TENM2: variants seen among roughly 807,000 people sequenced by gnomAD.
TENM2 encodes the protein teneurin-2.
Under a neutral mutation model 245.2 loss-of-function variants are expected in TENM2, and 52 were observed. The ratio of observed to expected loss-of-function variants is 0.21; its 90% CI spans 0.17 to 0.27. TENM2 has a LOEUF of 0.27. TENM2 is among the 10% of genes least tolerant of loss of function. The pLI, the probability that TENM2 is intolerant of heterozygous loss-of-function variation, is 1.00. For synonymous variants in TENM2, 1,363 were observed against 1,438.9 expected (o/e 0.95, Z 1.19); for missense variants, 3,046 against 3,666.8 (o/e 0.83, Z 4.37).
At chr5:168,043,054 A>G (rs1008120516) in intron 5 of TENM2, among the ~76,000 whole-genome samples, 1 of 152,132 alleles carries the variant, frequency 6.6e-6, no homozygotes, top group African/African-American at 2.4e-5. Flanking sequence ...TCCCAAACTC[A>G]TTTCACTTTT....
chr5:168,199,869 T>C (rs755024898), exon 17 of TENM2: 4 of 1,613,680 alleles, frequency 2.5e-6, no homozygotes, highest in Admixed American at 3.3e-5. Flanking sequence ...TCCAGGTTCT[T>C]CATGAAGAAA....
At chr5:167,152,781 AG>A in the TENM2 span, among the ~76,000 whole-genome samples, 1 of 152,294 alleles carries the variant, frequency 6.6e-6, no homozygotes, top group Admixed American at 6.5e-5. Flanking sequence ...ACTCACCTCT[AG>A]GGCAGGACAG....
intron 4 of TENM2, among the ~76,000 whole-genome samples, chr5:167,974,661 G>A (rs1260802595): frequency 2.0e-5 from 3 of 152,094 alleles, no homozygotes; most frequent in Non-Finnish European, 2.9e-5. Context: ...ATGAGGAAAC[G>A]AAGATGTAAT....
intron 2 of TENM2, among the ~76,000 whole-genome samples, chr5:167,527,917 T>C (rs1387562025): frequency 6.6e-6 from 1 of 152,096 alleles, no homozygotes; most frequent in Admixed American, 6.6e-5. Flanking sequence ...CACCAAGATG[T>C]CATGTAGCTT....
the TENM2 span, among the ~76,000 whole-genome samples, chr5:167,005,618 G>A: frequency 0.96 from 139,629 of 145,864 alleles, 66,895 homozygotes; most frequent in African/African-American, 0.98. Context: ...TGTACTTGCC[G>A]AGAGTAAATG....
chr5:168,262,569 T>C (rs531586906), exon 29 of TENM2: 1 of 1,565,594 alleles, frequency 6.4e-7, no homozygotes, highest in South Asian at 1.2e-5. Context: ...AAGGCCCGCG[T>C]CCTGGACCAG....
chr5:167,807,124 TAAAAAAAA>T (rs1178739925), intron 2 of TENM2, among the ~76,000 whole-genome samples: 1,024 of 49,078 alleles, frequency 0.021, 31 homozygotes, highest in African/African-American at 0.076. Context: ...GCCCCTAGGT[TAAAAAAAA>T]AAAAAAAAAA....
At chr5:167,912,258 T>C (rs918627215) in intron 3 of TENM2, among the ~76,000 whole-genome samples, 2 of 151,856 alleles carry the variant, frequency 1.3e-5, no homozygotes, top group Non-Finnish European at 1.5e-5. Flanking sequence ...TTCGTCTTTC[T>C]GTGCCTGTCT....
intron 2 of TENM2, among the ~76,000 whole-genome samples, chr5:167,506,383 G>T (rs1056178313): frequency 6.6e-6 from 1 of 152,102 alleles, no homozygotes; most frequent in Non-Finnish European, 1.5e-5. Context: ...GAATAACAGG[G>T]AGATAACTGC....
the TENM2 span, among the ~76,000 whole-genome samples, chr5:167,084,364 T>C: frequency 4.0e-4 from 44 of 111,134 alleles, 2 homozygotes; most frequent in Admixed American, 6.4e-4. Context: ...TATATATATA[T>C]ATACAGATCA....
intron 2 of TENM2, among the ~76,000 whole-genome samples, chr5:167,777,088 G>C (rs1763859706): frequency 6.6e-6 from 1 of 152,186 alleles, no homozygotes; most frequent in Non-Finnish European, 1.5e-5. Context: ...GGAGTAGAAG[G>C]GGGAGGGTTA....
intron 5 of TENM2, among the ~76,000 whole-genome samples, chr5:168,022,224 C>T (rs1786213676): frequency 6.6e-6 from 1 of 152,236 alleles, no homozygotes; most frequent in Non-Finnish European, 1.5e-5. Context: ...GAAGAGCAGC[C>T]GGGAGCTCCG....
chr5:167,619,928 T>C (rs1778047794), intron 2 of TENM2, among the ~76,000 whole-genome samples: 1 of 152,186 alleles, frequency 6.6e-6, no homozygotes, highest in Admixed American at 6.5e-5. Context: ...GCATAACTCG[T>C]TTCTACCACC....
At chr5:167,491,720 C>G (rs1342718376) in intron 2 of TENM2, among the ~76,000 whole-genome samples, 1 of 152,130 alleles carries the variant, frequency 6.6e-6, no homozygotes, top group Non-Finnish European at 1.5e-5. Context: ...TTTGAACAGT[C>G]CACAAGGTGT....
At chr5:168,073,093 C>T (rs1396680388) in intron 7 of TENM2, among the ~76,000 whole-genome samples, 1 of 152,166 alleles carries the variant, frequency 6.6e-6, no homozygotes. Context: ...CCAAGCACAG[C>T]TCTTCATGGG....
the TENM2 span, among the ~76,000 whole-genome samples, chr5:167,160,339 C>T: frequency 6.6e-6 from 1 of 152,242 alleles, no homozygotes; most frequent in Non-Finnish European, 1.5e-5. Context: ...GCCAGTGTTG[C>T]TGCTTTCAAT....
At chr5:167,670,769 G>A (rs2150349767) in intron 2 of TENM2, among the ~76,000 whole-genome samples, 1 of 152,166 alleles carries the variant, frequency 6.6e-6, no homozygotes, top group Admixed American at 6.5e-5. Context: ...GATTACACAT[G>A]CTGTTTTCAA....
the TENM2 span, among the ~76,000 whole-genome samples, chr5:167,078,987 A>G: frequency 6.6e-6 from 1 of 152,120 alleles, no homozygotes; most frequent in East Asian, 1.9e-4. Context: ...AGAGGGAAAA[A>G]GACACTTGTT....
At chr5:167,006,938 G>T in the TENM2 span, among the ~76,000 whole-genome samples, 1 of 152,134 alleles carries the variant, frequency 6.6e-6, no homozygotes, top group East Asian at 1.9e-4. Context: ...AAGTGCTGGG[G>T]TGTATTACAG....
Sources: allele counts gnomAD v4.1 joint callset (sites outside exome capture counted in the v4.1 genomes callset), GRCh38; gene constraint gnomAD v4.1.1; transcripts MANE v1.5; gene names NCBI Gene and HGNC (gene_info 2026-07-23, HGNC 2026-07-21).